Variants in PCGF6 observed in about 807,000 individuals in gnomAD.
PCGF6 encodes the protein polycomb group ring finger 6.
Under a neutral mutation model 45.5 loss-of-function variants are expected in PCGF6, and 24 were observed. That is an observed-to-expected ratio of 0.53 (90% CI 0.38 to 0.74). The LOEUF (loss-of-function observed/expected upper bound fraction) is 0.74, where lower values mean the gene tolerates loss of function less well. Ranked by LOEUF, PCGF6 falls within the 30% of genes least tolerant of loss-of-function variation. The probability of loss-of-function intolerance (pLI) is 0.00; values close to 1 mark genes in which losing one functional copy is unlikely to be tolerated. For synonymous variants in PCGF6, 152 were observed against 162.1 expected (o/e 0.94, Z 0.47); for missense variants, 356 against 443.2 (o/e 0.80, Z 1.77).
chr10:103,351,043 C>T lies in PCGF6; in HGVS notation c.24G>A (p.Thr8=). 1 of 1,388,286 alleles carries T rather than the reference C, an allele frequency of 7.2e-7. No homozygotes were observed. The highest frequency in any genetic ancestry group is 9.3e-7 in the Non-Finnish European group (1 of 1,070,458). The allele number at this position is 1,388,286 out of a possible 1,614,324, so 86.0% of individuals were successfully genotyped here. A position where few individuals can be genotyped will look rare whatever the true frequency, so the allele number is the denominator to read the frequency against. Residue 8 remains threonine, a synonymous_variant, in exon 1 of 10, where the codon ACG becomes ACA. Coordinates refer to ENST00000369847, the MANE Select transcript of PCGF6 (RefSeq NM_001011663.2). The stretch of plus-strand genomic sequence containing the variant: ...TTTTGGCAGCGCCTACGCTGCCCGC[C>T]GTCACCACCGCGACCCCCTCCATGG... MEGVAVV[T]AGSVGAAKTE...
chr10:103,345,553 C>T (rs1421109720), intron 5 of PCGF6, among the ~76,000 whole-genome samples: 2 of 151,726 alleles, frequency 1.3e-5, no homozygotes, highest in Non-Finnish European at 2.9e-5. Flanking sequence ...GACCGCCAGT[C>T]GCCATGGCTA....
At chr10:103,345,239 C>A in intron 5 of PCGF6, 107 bp from the exon 6 acceptor site, 2 of 755,068 alleles carry the variant, frequency 2.6e-6, no homozygotes, top group Non-Finnish European at 4.2e-6. Context: ...TTTAAAAGAT[C>A]ATAAACCACT....
intron 6 of PCGF6, among the ~76,000 whole-genome samples, chr10:103,335,898 C>T (rs1334940846): frequency 5.9e-5 from 9 of 151,722 alleles, no homozygotes; most frequent in South Asian, 2.1e-4. Context: ...ACCCGGGAGG[C>T]GGAGGTTGCA....
chr10:103,338,544 C>CAAAA (rs369499715), intron 6 of PCGF6, among the ~76,000 whole-genome samples: 1 of 107,452 alleles, frequency 9.3e-6, no homozygotes, highest in Admixed American at 9.9e-5. Context: ...GACTCCATCT[C>CAAAA]AAAAAAAAAA....
intron 7 of PCGF6, among the ~76,000 whole-genome samples, chr10:103,327,428 C>T (rs1270804967): frequency 6.6e-6 from 1 of 152,072 alleles, no homozygotes; most frequent in Non-Finnish European, 1.5e-5. Context: ...CTTACTGAAT[C>T]CTGATTGAAA....
At chr10:103,307,963 T>C (rs1473726345) in intron 9 of PCGF6, among the ~76,000 whole-genome samples, 2 of 152,204 alleles carry the variant, frequency 1.3e-5, no homozygotes, top group Non-Finnish European at 2.9e-5. Flanking sequence ...TGGCCAGGCA[T>C]GCTGGCTCAC....
intron 8 of PCGF6, among the ~76,000 whole-genome samples, chr10:103,319,978 T>C (rs1246256902): frequency 6.6e-6 from 1 of 152,060 alleles, no homozygotes; most frequent in African/African-American, 2.4e-5. Context: ...CAGCTAATTT[T>C]TGTATTTTTA....
intron 7 of PCGF6, among the ~76,000 whole-genome samples, chr10:103,329,510 TC>T (rs2093231968): frequency 6.6e-6 from 1 of 151,736 alleles, no homozygotes; most frequent in Non-Finnish European, 1.5e-5. Context: ...GGAGTTTTGC[TC>T]TTGTTGCCCA....
At chr10:103,318,671 G>A (rs2093185198) in intron 8 of PCGF6, among the ~76,000 whole-genome samples, 1 of 151,768 alleles carries the variant, frequency 6.6e-6, no homozygotes, top group South Asian at 2.1e-4. Flanking sequence ...TTGAACCTGG[G>A]AGGCAGAGGC....
rs2093166383 is a variant in PCGF6, at chr10:103,314,030, C to A, written c.996+156G>T. ...ATAAATTACTTAGAACAGTACCTGA[C>A]ACACAGCAAGAATTTGATAAATATT... On this transcript the variant is annotated intron_variant, in intron 9 of 9. Transcript: ENST00000369847. 2.6e-5 allele frequency among the ~76,000 whole-genome samples: 4 copies of A among 152,208 alleles called. 1 individual carries two copies. In the South Asian group the frequency reaches 8.3e-4, roughly 32 times the overall value.
At chr10:103,337,039 T>C (rs750031313) in intron 6 of PCGF6, among the ~76,000 whole-genome samples, 17 of 152,208 alleles carry the variant, frequency 1.1e-4, no homozygotes, top group African/African-American at 3.1e-4. Flanking sequence ...GGACTTACCA[T>C]TGCTTTATTT....
rs1592080451 is a variant in PCGF6, at chr10:103,349,075, G to C, written c.361-76C>G. The C allele has an allele frequency of 4.0e-6, 5 of 1,256,024 alleles. No homozygotes were observed. In the South Asian group the frequency reaches 6.9e-5, roughly 17 times the overall value. 77.8% of individuals were successfully genotyped at this position (1,256,024 alleles called of 1,614,324 possible). On this transcript the variant is annotated intron_variant, in intron 1 of 9. Transcript: ENST00000369847. ...ATTCTTTTTTTTTTTTTGAGACAGA[G>C]TCTCACTCTGTAGCCCAAGCTGAGT...
At chr10:103,323,486 C>A (rs1011768919) in intron 8 of PCGF6, among the ~76,000 whole-genome samples, 1 of 152,060 alleles carries the variant, frequency 6.6e-6, no homozygotes, top group Non-Finnish European at 1.5e-5. Context: ...AGTAGAGATG[C>A]GGTTTACCAT....
intron 9 of PCGF6, among the ~76,000 whole-genome samples, chr10:103,313,076 G>A (rs1036555932): frequency 6.6e-6 from 1 of 152,194 alleles, no homozygotes; most frequent in Non-Finnish European, 1.5e-5. Flanking sequence ...ATCCTATCTT[G>A]GTTTTTATTA....
At chr10:103,327,597 A>G (rs567560084) in intron 7 of PCGF6, among the ~76,000 whole-genome samples, 15 of 152,236 alleles carry the variant, frequency 9.9e-5, no homozygotes, top group Admixed American at 7.2e-4. Context: ...TGGTGTGTAC[A>G]TGGGAGTTCA....
intron 8 of PCGF6, among the ~76,000 whole-genome samples, chr10:103,319,771 T>A (rs2093189802): frequency 1.3e-5 from 2 of 152,188 alleles, no homozygotes; most frequent in South Asian, 4.1e-4. Flanking sequence ...CTAAATTTAA[T>A]AGAAGGCTTA....
At chr10:103,314,078 G>A in intron 9 of PCGF6, 108 bp downstream of exon 9, 1 of 464,124 alleles carries the variant, frequency 2.2e-6, no homozygotes. Flanking sequence ...TATTTATAGT[G>A]TAGGTAATTT....
chr10:103,341,787 T>C (rs900352758), intron 6 of PCGF6, among the ~76,000 whole-genome samples: 1 of 152,048 alleles, frequency 6.6e-6, no homozygotes, highest in Non-Finnish European at 1.5e-5. Context: ...CATTAAAAGA[T>C]ATTACTCCAG....
At position 103,345,070 on chromosome 10, in the gene PCGF6, G is replaced by A. The variant is rs1475156309; in HGVS notation, c.736C>T (p.Arg246Cys). Residue 246 changes from arginine to cysteine, a missense_variant, in exon 6 of 10, where the codon CGT becomes TGT. Coordinates refer to ENST00000369847, the MANE Select transcript of PCGF6 (RefSeq NM_001011663.2). ...RSKKVLESVF[R>C]IPPELDMSLL... ...GACATATCAAGTTCAGGTGGAATAC[G>A]AAACACTGATTCTAGGACTTTTTTA... 32 of 1,613,196 alleles carry A rather than the reference G, an allele frequency of 2.0e-5. No homozygotes were observed. Among genetic ancestry groups the A allele is most frequent in the African/African-American group, 6.7e-5 (5 of 74,994 alleles).
Sources: allele counts gnomAD v4.1 joint callset (sites outside exome capture counted in the v4.1 genomes callset), GRCh38; gene constraint gnomAD v4.1.1; transcripts MANE v1.5; gene names NCBI Gene and HGNC (gene_info 2026-07-23, HGNC 2026-07-21).